GMDS: variants seen among roughly 807,000 people sequenced by gnomAD.
GMDS encodes the protein GDP-mannose 4,6-dehydratase, also known as GDP-mannose 4,6 dehydratase.
GMDS carries 20 observed loss-of-function variants against 49.9 expected under a neutral mutation model. The ratio of observed to expected loss-of-function variants is 0.40; its 90% CI spans 0.28 to 0.58. The LOEUF is 0.58. Ranked by LOEUF, GMDS falls within the 20% of genes least tolerant of loss-of-function variation. The pLI, the probability that GMDS is intolerant of heterozygous loss-of-function variation, is 0.42. For missense variants in GMDS, 362 were observed against 481.4 expected (o/e 0.75, Z 2.32); for synonymous variants, 177 against 178.6 (o/e 0.99, Z 0.07).
intron 4 of GMDS, among the ~76,000 whole-genome samples, chr6:2,007,382 C>T (rs560490254): frequency 6.6e-6 from 1 of 152,192 alleles, no homozygotes; most frequent in South Asian, 2.1e-4. Flanking sequence ...TCCGGTAAAA[C>T]ATGCCACTCT....
At chr6:1,745,085 T>C (rs958022894) in intron 7 of GMDS, among the ~76,000 whole-genome samples, 1 of 152,374 alleles carries the variant, frequency 6.6e-6, no homozygotes, top group African/African-American at 2.4e-5. Context: ...AATTCCTATC[T>C]GAACGTTCTT....
At chr6:2,050,044 G>C (rs1246280164) in intron 4 of GMDS, among the ~76,000 whole-genome samples, 2 of 152,098 alleles carry the variant, frequency 1.3e-5, no homozygotes, top group Non-Finnish European at 2.9e-5. Flanking sequence ...AAAACTGAAA[G>C]ACATAGAGAC....
At chr6:1,890,498 C>T (rs1344190643) in intron 7 of GMDS, among the ~76,000 whole-genome samples, 1 of 152,012 alleles carries the variant, frequency 6.6e-6, no homozygotes, top group Non-Finnish European at 1.5e-5. Context: ...ATATGACTTG[C>T]AAATGTTTTC....
intron 1 of GMDS, among the ~76,000 whole-genome samples, chr6:2,158,777 G>A (rs1777233132): frequency 6.6e-6 from 1 of 152,224 alleles, no homozygotes; most frequent in African/African-American, 2.4e-5. Context: ...GTGGCAACAT[G>A]GATGCGCTGA....
chr6:1,714,017 A>G (rs1200009613), intron 9 of GMDS, among the ~76,000 whole-genome samples: 2 of 152,124 alleles, frequency 1.3e-5, no homozygotes, highest in Non-Finnish European at 2.9e-5. Flanking sequence ...TAAGCCCAAC[A>G]CTTTTTCAGA....
intron 4 of GMDS, among the ~76,000 whole-genome samples, chr6:2,036,844 T>C (rs1216549066): frequency 6.6e-6 from 1 of 152,172 alleles, no homozygotes; most frequent in African/African-American, 2.4e-5. Flanking sequence ...TAAGCAGTAT[T>C]CTCCAAATTA....
intron 4 of GMDS, among the ~76,000 whole-genome samples, chr6:2,095,037 C>T (rs1371609190): frequency 1.3e-5 from 2 of 152,186 alleles, no homozygotes; most frequent in East Asian, 1.9e-4. Context: ...GGAGCAGATG[C>T]CACACTCCCC....
At chr6:1,832,648 G>A (rs565607824) in intron 7 of GMDS, among the ~76,000 whole-genome samples, 2 of 152,254 alleles carry the variant, frequency 1.3e-5, no homozygotes, top group South Asian at 4.1e-4. Flanking sequence ...GTAAGCCAGA[G>A]CCAAAGACTC....
At chr6:1,863,201 A>G (rs1758276350) in intron 7 of GMDS, among the ~76,000 whole-genome samples, 1 of 152,186 alleles carries the variant, frequency 6.6e-6, no homozygotes, top group Non-Finnish European at 1.5e-5. Flanking sequence ...GGCCCTATCA[A>G]TTAGCTCTTA....
chr6:2,113,717 C>T (rs1774685461), intron 4 of GMDS, among the ~76,000 whole-genome samples: 1 of 152,050 alleles, frequency 6.6e-6, no homozygotes, highest in African/African-American at 2.4e-5. Context: ...GACACTTGTG[C>T]CAATCACCCC....
intron 4 of GMDS, among the ~76,000 whole-genome samples, chr6:2,053,484 T>C (rs1185139220): frequency 6.6e-6 from 1 of 152,126 alleles, no homozygotes; most frequent in African/African-American, 2.4e-5. Context: ...ATGGCTTTTC[T>C]GAGATTTTTA....
chr6:2,030,636 T>A (rs1487104253), intron 4 of GMDS, among the ~76,000 whole-genome samples: 1 of 152,160 alleles, frequency 6.6e-6, no homozygotes, highest in East Asian at 1.9e-4. Context: ...TAAGACTCAC[T>A]CTATAACAGT....
chr6:2,062,232 C>G (rs1771224816), intron 4 of GMDS, among the ~76,000 whole-genome samples: 1 of 152,142 alleles, frequency 6.6e-6, no homozygotes, highest in Non-Finnish European at 1.5e-5. Context: ...GCTGGATGGG[C>G]ACCTGAGAGT....
chr6:2,083,773 G>T (rs973808262), intron 4 of GMDS, among the ~76,000 whole-genome samples: 1 of 152,018 alleles, frequency 6.6e-6, no homozygotes, highest in Non-Finnish European at 1.5e-5. Context: ...CAACTAATCT[G>T]CAAATTATGG....
At chr6:1,910,797 G>C (rs1761013346) in intron 7 of GMDS, among the ~76,000 whole-genome samples, 1 of 152,188 alleles carries the variant, frequency 6.6e-6, no homozygotes, top group Non-Finnish European at 1.5e-5. Context: ...TATATAGATT[G>C]TTAATAAAAA....
At chr6:2,231,696 T>G (rs546075357) in intron 1 of GMDS, among the ~76,000 whole-genome samples, 1 of 152,226 alleles carries the variant, frequency 6.6e-6, no homozygotes, top group African/African-American at 2.4e-5. Flanking sequence ...CCAGGAAGAA[T>G]GAAGTATTAT....
intron 9 of GMDS, among the ~76,000 whole-genome samples, chr6:1,663,537 G>C (rs979820961): frequency 6.6e-6 from 1 of 152,174 alleles, no homozygotes; most frequent in African/African-American, 2.4e-5. Flanking sequence ...TTTTGTGAAT[G>C]CAAGTACACG....
chr6:2,161,571 G>A lies in GMDS; in HGVS notation c.103-36840C>T, dbSNP rs547386241. 3.3e-5 allele frequency among the ~76,000 whole-genome samples: 5 copies of A among 152,288 alleles called. No individual in the cohort carries two copies. In the East Asian group the frequency reaches 9.7e-4, roughly 29 times the overall value. On this transcript the variant is annotated intron_variant, in intron 1 of 10. Coordinates refer to ENST00000380815, the MANE Select transcript of GMDS (RefSeq NM_001500.4). ...CTGTTTCAATTTGGGTGTACTTGAGGATTTGAAAATTCATTTTCCACATCT... is the reference window on the plus strand; with the variant it reads ...CTGTTTCAATTTGGGTGTACTTGAGAATTTGAAAATTCATTTTCCACATCT...
chr6:1,922,291 G>A (rs1233501179), intron 7 of GMDS, among the ~76,000 whole-genome samples: 5 of 152,146 alleles, frequency 3.3e-5, no homozygotes, highest in Admixed American at 3.3e-4. Flanking sequence ...CAACCTCACC[G>A]TTGCTTTCTG....
Sources: gnomAD v4.1 joint callset for allele counts (sites outside exome capture counted in the v4.1 genomes callset) on GRCh38, gnomAD v4.1.1 for gene constraint, MANE v1.5 for transcripts, NCBI Gene and HGNC (gene_info 2026-07-23, HGNC 2026-07-21) for gene names.